The following MACF1 variants were observed in gnomAD, a reference collection of about 807,000 sequenced individuals.
MACF1 encodes microtubule actin crosslinking factor 1, also known as microtubule-actin cross-linking factor 1.
A neutral mutation model predicts 854.8 loss-of-function variants in MACF1; 193 were observed. That is an observed-to-expected ratio of 0.23 (90% CI 0.20 to 0.25). MACF1 has a LOEUF of 0.25. Among genes scored for constraint, MACF1 ranks in the 10% least tolerant of loss-of-function variants. MACF1 has a pLI of 1.00. For missense variants in MACF1, 7,722 were observed against 8,929.1 expected (o/e 0.86, Z 5.45); for synonymous variants, 3,185 against 3,226.7 (o/e 0.99, Z 0.44).
At chr1:39,377,213 A>G (rs1649799056) in intron 52 of MACF1, among the ~76,000 whole-genome samples, 1 of 151,056 alleles carries the variant, frequency 6.6e-6, no homozygotes, top group Non-Finnish European at 1.5e-5. Flanking sequence ...GTTTCACCGT[A>G]TTGCCCAGGC....
intron 58 of MACF1, among the ~76,000 whole-genome samples, chr1:39,407,973 CTTTG>C (rs1031118719): frequency 5.1e-4 from 78 of 152,246 alleles, no homozygotes; most frequent in African/African-American, 1.7e-3. Context: ...TTTGTACTTT[CTTTG>C]TTTAACAGTC....
At chr1:39,299,163 A>T (rs1033970860) in intron 21 of MACF1, 1 of 453,188 alleles carries the variant, frequency 2.2e-6, no homozygotes, top group Non-Finnish European at 4.4e-6. Context: ...CAAGTATGGA[A>T]ATGTGGCTGT....
intron 2 of MACF1, among the ~76,000 whole-genome samples, chr1:39,182,551 ATAG>A (rs1363558514): frequency 2.6e-5 from 4 of 152,340 alleles, no homozygotes; most frequent in South Asian, 4.1e-4. Context: ...AAGGATTTAT[ATAG>A]CCATTTCTTC....
chr1:39,239,690 A>G (rs145752765), intron 2 of MACF1, among the ~76,000 whole-genome samples: 100 of 152,286 alleles, frequency 6.6e-4, no homozygotes, highest in Non-Finnish European at 1.3e-3. Context: ...GGAGGGAGAA[A>G]AATGCTTTTT....
chr1:39,348,662 A>G (rs1047268022), intron 41 of MACF1, among the ~76,000 whole-genome samples: 2 of 152,214 alleles, frequency 1.3e-5, no homozygotes, highest in Admixed American at 6.5e-5. Flanking sequence ...GCAGGTGACT[A>G]AAGCGCCATC....
At chr1:39,285,986 T>C (rs1020872235) in intron 14 of MACF1, among the ~76,000 whole-genome samples, 6 of 152,192 alleles carry the variant, frequency 3.9e-5, no homozygotes, top group African/African-American at 1.2e-4. Context: ...ACTTCAATCA[T>C]TGTGGCCTTT....
At chr1:39,278,893 A>T (rs1571257360) in intron 6 of MACF1, among the ~76,000 whole-genome samples, 2 of 152,180 alleles carry the variant, frequency 1.3e-5, no homozygotes, top group East Asian at 3.8e-4. Context: ...TAATAGTTTT[A>T]GTAAACTGAC....
chr1:39,311,726 A>G (rs2148437289), intron 26 of MACF1, among the ~76,000 whole-genome samples: 1 of 152,348 alleles, frequency 6.6e-6, no homozygotes, highest in African/African-American at 2.4e-5. Context: ...AGTATAAGAT[A>G]TAAGAAATGT....
chr1:39,393,713 G>A (rs775153830), intron 58 of MACF1, among the ~76,000 whole-genome samples: 12 of 152,020 alleles, frequency 7.9e-5, no homozygotes, highest in Non-Finnish European at 1.2e-4. Flanking sequence ...GGAGGCTGAC[G>A]CAGGAGGATC....
At position 39,332,832 on chromosome 1, in the gene MACF1, T is replaced by C; in HGVS notation, c.6244T>C (p.Phe2082Leu). ...SSVENPEQDLFVEQKERNPNI... is the reference protein window; with the variant it reads ...SSVENPEQDLLVEQKERNPNI... ...TGTAGAGAACCCTGAACAGGATCTGTTTGTAGAACAAAAAGAGAGAAATCC... is the reference window on the plus strand; with the variant it reads ...TGTAGAGAACCCTGAACAGGATCTGCTTGTAGAACAAAAAGAGAGAAATCC... Residue 2082 changes from phenylalanine to leucine, a missense_variant, in exon 37 of 101, where the codon TTT becomes CTT. Physicochemically the swap from Phe to Leu is conservative, Grantham distance 22 (BLOSUM62 0). This residue lies in a region of MACF1 where 1,531 missense variants were observed against 1,601.6 expected (regional missense o/e 0.96). Coordinates refer to ENST00000564288, the MANE Select transcript of MACF1 (RefSeq NM_001394062.1). 1 of 1,614,058 alleles carries C rather than the reference T, an allele frequency of 6.2e-7. No homozygotes were observed. Among genetic ancestry groups the C allele is most frequent in the South Asian group, 1.1e-5 (1 of 91,078 alleles).
At chr1:39,397,272 C>T (rs1261951117) in intron 58 of MACF1, among the ~76,000 whole-genome samples, 1 of 151,960 alleles carries the variant, frequency 6.6e-6, no homozygotes, top group African/African-American at 2.4e-5. Flanking sequence ...TTTAATGTAC[C>T]TACTGACAGC....
intron 63 of MACF1, among the ~76,000 whole-genome samples, chr1:39,428,852 A>T (rs1198185126): frequency 6.6e-6 from 1 of 152,092 alleles, no homozygotes; most frequent in Admixed American, 6.6e-5. Flanking sequence ...AGAGTTTTTA[A>T]CCAGGATTCT....
intron 2 of MACF1, among the ~76,000 whole-genome samples, chr1:39,122,253 T>C (rs1003968126): frequency 2.6e-5 from 4 of 151,430 alleles, no homozygotes; most frequent in African/African-American, 4.9e-5. Flanking sequence ...TTTGGTAATA[T>C]TCTTTTTTTT....
rs1344535206 is a variant in MACF1, at chr1:39,483,576, A to T, written c.22282-1025A>T. Among the ~76,000 whole-genome samples, 3 of 152,296 alleles carry T rather than the reference A, an allele frequency of 2.0e-5. No homozygotes were observed. The East Asian group carries it at 5.8e-4, about 29-fold the overall frequency. The stretch of plus-strand genomic sequence containing the variant: ...AAGCTAGTGTGGCTGGGATGGACTG[A>T]TGAGGAGTGTGGTAGAAATGAAGTC... On this transcript the variant is annotated intron_variant, in intron 99 of 100. Coordinates refer to ENST00000564288, the MANE Select transcript of MACF1 (RefSeq NM_001394062.1).
intron 2 of MACF1, among the ~76,000 whole-genome samples, chr1:39,123,682 G>C (rs1571069720): frequency 6.6e-6 from 1 of 150,692 alleles, no homozygotes; most frequent in African/African-American, 2.4e-5. Flanking sequence ...TGGGACTACA[G>C]GCTCGTGCCA....
rs879009260 is a variant in MACF1, at chr1:39,350,854, A to G, written c.11035A>G (p.Met3679Val). 3.7e-6 allele frequency: 6 copies of G among 1,613,972 alleles called. No homozygotes were observed. Among genetic ancestry groups the G allele is most frequent in the Non-Finnish European group, 5.1e-6 (6 of 1,179,992 alleles). The change falls in exon 43 of 101, where the codon ATG becomes GTG. Residue 3679 changes from methionine (M) to valine (V), a missense_variant. This residue lies in a region of MACF1 where 2,807 missense variants were observed against 3,235.8 expected (regional missense o/e 0.87). Transcript: ENST00000564288. ...TGTTGTCAAGGACATTGAGGGGTTC[A>G]TGGAAGAGAATCAGACCAAGCTGAG... ...ATVVKDIEGF[M>V]EENQTKLSPR...
chr1:39,394,799 G>A (rs113530426), intron 58 of MACF1, among the ~76,000 whole-genome samples: 189 of 152,250 alleles, frequency 1.2e-3, no homozygotes, highest in African/African-American at 4.2e-3. Context: ...TGAGGTTAGC[G>A]TTATCTACCT....
At chr1:39,395,069 G>A (rs1642218376) in intron 58 of MACF1, among the ~76,000 whole-genome samples, 1 of 152,080 alleles carries the variant, frequency 6.6e-6, no homozygotes, top group Admixed American at 6.5e-5. Flanking sequence ...CATTTTTTGG[G>A]GGTGGGTGGG....
At chr1:39,181,935 G>A (rs1442394911) in intron 2 of MACF1, among the ~76,000 whole-genome samples, 3 of 152,070 alleles carry the variant, frequency 2.0e-5, no homozygotes, top group South Asian at 2.1e-4. Context: ...GGTGGATCAC[G>A]AGATCAGGAG....
Sources: allele counts gnomAD v4.1 joint callset (sites outside exome capture counted in the v4.1 genomes callset), GRCh38; gene constraint gnomAD v4.1.1; regional missense constraint gnomAD v4.1.1; transcripts MANE v1.5; gene names NCBI Gene and HGNC (gene_info 2026-07-23, HGNC 2026-07-21).